Variants in DPYD observed in about 807,000 individuals in gnomAD.
DPYD encodes the protein dihydropyrimidine dehydrogenase.
DPYD carries 109 observed loss-of-function variants against 116.2 expected under a neutral mutation model. The observed-to-expected ratio is 0.94, with a 90% CI of 0.80 to 1.10. DPYD has a LOEUF of 1.10. Among genes scored for constraint, DPYD ranks in the 50% least tolerant of loss-of-function variants. DPYD has a pLI of 0.00. For missense variants in DPYD, 1,302 were observed against 1,254.5 expected (o/e 1.04, Z -0.57); for synonymous variants, 440 against 432.0 (o/e 1.02, Z -0.23).
At chr1:97,163,104 T>C (rs1301381334) in intron 20 of DPYD, among the ~76,000 whole-genome samples, 4 of 151,548 alleles carry the variant, frequency 2.6e-5, no homozygotes, top group African/African-American at 9.7e-5. Context: ...CCAAAAGCAA[T>C]GGCAACAAAA....
At chr1:97,471,769 T>C (rs1193744387) in intron 13 of DPYD, among the ~76,000 whole-genome samples, 1 of 152,030 alleles carries the variant, frequency 6.6e-6, no homozygotes, top group Non-Finnish European at 1.5e-5. Flanking sequence ...TTTGTATTTT[T>C]AGTAGGGACT....
chr1:97,546,382 G>C, intron 12 of DPYD: 1 of 1,462,754 alleles, frequency 6.8e-7, no homozygotes, highest in Non-Finnish European at 9.6e-7. Flanking sequence ...AGATGAAGAA[G>C]AAGTTTCAGA....
chr1:97,420,779 C>T (rs1674541299), intron 14 of DPYD, among the ~76,000 whole-genome samples: 1 of 152,156 alleles, frequency 6.6e-6, no homozygotes, highest in African/African-American at 2.4e-5. Flanking sequence ...CTGGTAATGC[C>T]AGTGCCTTCT....
chr1:97,619,303 C>A (rs1248647071), intron 8 of DPYD, among the ~76,000 whole-genome samples: 1 of 152,076 alleles, frequency 6.6e-6, no homozygotes, highest in Non-Finnish European at 1.5e-5. Flanking sequence ...ATTTAAGTAT[C>A]TTATTTATAT....
intron 16 of DPYD, among the ~76,000 whole-genome samples, chr1:97,371,637 C>A (rs1010271678): frequency 2.0e-5 from 3 of 152,170 alleles, no homozygotes; most frequent in Admixed American, 2.0e-4. Flanking sequence ...TAATATTCTG[C>A]CTTCCCTTTA....
intron 13 of DPYD, among the ~76,000 whole-genome samples, chr1:97,482,179 C>T (rs1678358128): frequency 6.6e-6 from 1 of 152,134 alleles, no homozygotes; most frequent in African/African-American, 2.4e-5. Flanking sequence ...GATATAAAGA[C>T]TTACTGTCAA....
intron 2 of DPYD, among the ~76,000 whole-genome samples, chr1:97,847,763 C>T (rs1009557985): frequency 3.9e-5 from 6 of 151,980 alleles, no homozygotes; most frequent in Non-Finnish European, 5.9e-5. Flanking sequence ...GGGTGGGCTG[C>T]GAGCTAATAC....
At chr1:97,350,220 A>T (rs1247988300) in intron 16 of DPYD, among the ~76,000 whole-genome samples, 1 of 152,124 alleles carries the variant, frequency 6.6e-6, no homozygotes, top group East Asian at 1.9e-4. Context: ...TTATTGTAAT[A>T]CTGGCTGGGA....
At chr1:97,219,901 T>C (rs569818884) in intron 19 of DPYD, among the ~76,000 whole-genome samples, 1 of 152,294 alleles carries the variant, frequency 6.6e-6, no homozygotes, top group East Asian at 1.9e-4. Flanking sequence ...TCTCTTCATT[T>C]CCTATCATTC....
intron 16 of DPYD, among the ~76,000 whole-genome samples, chr1:97,348,878 C>CT (rs527461458): frequency 3.3e-5 from 5 of 152,114 alleles, no homozygotes; most frequent in Non-Finnish European, 7.4e-5. Flanking sequence ...TTCAACTTCC[C>CT]CTCCCCCAAT....
intron 19 of DPYD, among the ~76,000 whole-genome samples, chr1:97,207,502 G>C (rs1294784070): frequency 6.6e-6 from 1 of 152,054 alleles, no homozygotes; most frequent in Non-Finnish European, 1.5e-5. Context: ...TCCCAGTCTG[G>C]ATGCCTGAGT....
Position 97,593,217 on chromosome 1 carries a change from C to A in DPYD, c.1128+1G>T, listed in dbSNP as rs1241821694. On this transcript the variant is annotated splice_donor_variant, in intron 10 of 22. Coordinates refer to ENST00000370192, the MANE Select transcript of DPYD (RefSeq NM_000110.4). LOFTEE classifies it high-confidence loss of function. ...CATATTTTCTGATGGTTCCATTTTACCTCCTCAGGGACAGCTCTTATATTA... is the reference window on the plus strand; with the variant it reads ...CATATTTTCTGATGGTTCCATTTTAACTCCTCAGGGACAGCTCTTATATTA... 1 of 1,613,822 alleles carries A rather than the reference C, an allele frequency of 6.2e-7. No homozygotes were observed.
chr1:97,800,687 G>T (rs917311907), intron 3 of DPYD, among the ~76,000 whole-genome samples: 1 of 151,726 alleles, frequency 6.6e-6, no homozygotes, highest in Non-Finnish European at 1.5e-5. Context: ...CCATCTCTGT[G>T]GACCTATTTG....
At chr1:97,911,027 A>T (rs570770807) in intron 1 of DPYD, among the ~76,000 whole-genome samples, 3 of 152,268 alleles carry the variant, frequency 2.0e-5, no homozygotes, top group South Asian at 2.1e-4. Context: ...ATTCAAACAA[A>T]TACAAATTAA....
At chr1:97,679,021 G>T in intron 8 of DPYD, 74 bp downstream of exon 8, 1 of 672,764 alleles carries the variant, frequency 1.5e-6, no homozygotes, top group African/African-American at 1.9e-5. Flanking sequence ...TCTGAAGGCA[G>T]TCATTCTTCT....
At chr1:97,207,711 G>T (rs1253107826) in intron 19 of DPYD, among the ~76,000 whole-genome samples, 2 of 151,990 alleles carry the variant, frequency 1.3e-5, no homozygotes, top group East Asian at 3.9e-4. Flanking sequence ...CTCTAATAAA[G>T]GACAGATAAA....
chr1:97,444,472 C>G (rs946224907), intron 14 of DPYD, among the ~76,000 whole-genome samples: 2 of 152,098 alleles, frequency 1.3e-5, no homozygotes, highest in South Asian at 2.1e-4. Flanking sequence ...TCTTAATAAA[C>G]TGTTCTGATA....
At chr1:97,137,957 T>C (rs1289146279) in intron 20 of DPYD, among the ~76,000 whole-genome samples, 1 of 152,148 alleles carries the variant, frequency 6.6e-6, no homozygotes, top group Non-Finnish European at 1.5e-5. Flanking sequence ...CATCTTGCTT[T>C]TGTCACACCG....
chr1:97,546,776 G>C, intron 12 of DPYD: 1 of 1,613,096 alleles, frequency 6.2e-7, no homozygotes, highest in Non-Finnish European at 8.5e-7. Flanking sequence ...GTGTTTCTGA[G>C]ATCAGACTCC....
Sources: allele counts gnomAD v4.1 joint callset (sites outside exome capture counted in the v4.1 genomes callset), GRCh38; gene constraint gnomAD v4.1.1; transcripts MANE v1.5; gene names NCBI Gene and HGNC (gene_info 2026-07-23, HGNC 2026-07-21).